The following NPAS3 variants were observed in gnomAD, a reference collection of about 807,000 sequenced individuals.
NPAS3 encodes neuronal PAS domain protein 3.
NPAS3 carries 14 observed loss-of-function variants against 73.1 expected under a neutral mutation model. The ratio of observed to expected loss-of-function variants is 0.19; its 90% CI spans 0.13 to 0.30. NPAS3 has a LOEUF of 0.30. Ranked by LOEUF, NPAS3 falls within the 10% of genes least tolerant of loss-of-function variation. The pLI is 1.00. For synonymous variants in NPAS3, 620 were observed against 541.5 expected (o/e 1.14, Z -2.01); for missense variants, 1,096 against 1,250.0 (o/e 0.88, Z 1.86).
At chr14:33,225,591 G>A (rs1340502682) in intron 3 of NPAS3, among the ~76,000 whole-genome samples, 1 of 152,190 alleles carries the variant, frequency 6.6e-6, no homozygotes, top group African/African-American at 2.4e-5. Context: ...GTAATGGAAT[G>A]CATTTGGCTG....
At chr14:33,091,303 G>A (rs2042216566) in intron 2 of NPAS3, among the ~76,000 whole-genome samples, 1 of 151,940 alleles carries the variant, frequency 6.6e-6, no homozygotes, top group South Asian at 2.1e-4. Context: ...AATGATAAAG[G>A]GGATATCACC....
chr14:33,068,637 G>C (rs538474140), intron 2 of NPAS3, among the ~76,000 whole-genome samples: 1 of 152,270 alleles, frequency 6.6e-6, no homozygotes, highest in Admixed American at 6.5e-5. Context: ...CAGTGCAGTG[G>C]AACAAAAATA....
intron 1 of NPAS3, among the ~76,000 whole-genome samples, chr14:32,966,437 T>C (rs1161581724): frequency 6.6e-6 from 1 of 152,156 alleles, no homozygotes; most frequent in Non-Finnish European, 1.5e-5. Context: ...ATGTCAAGAA[T>C]ACACATTAGG....
intron 3 of NPAS3, among the ~76,000 whole-genome samples, chr14:33,349,762 C>T (rs1195951884): frequency 6.6e-6 from 1 of 152,146 alleles, no homozygotes; most frequent in Non-Finnish European, 1.5e-5. Context: ...TGTCCTTTTC[C>T]CGTCCTGATG....
At chr14:33,380,368 T>G (rs1297629702) in intron 4 of NPAS3, among the ~76,000 whole-genome samples, 1 of 151,982 alleles carries the variant, frequency 6.6e-6, no homozygotes, top group African/African-American at 2.4e-5. Flanking sequence ...GGGTGCAGGG[T>G]ATAGGACTCG....
Position 33,800,944 on chromosome 14 carries a change from C to T in NPAS3, c.2637C>T (p.Leu879=). 2.5e-6 allele frequency: 4 copies of T among 1,606,610 alleles called. No individual in the cohort carries two copies. Among genetic ancestry groups the T allele is most frequent in the Non-Finnish European group, 2.5e-6 (3 of 1,177,072 alleles). The change falls in exon 12 of 12, where the codon CTC becomes CTT. Residue 879 remains leucine (L), a synonymous_variant. Transcript: ENST00000356141. This position sits in a 1 kb window ranked among gnomAD's most constrained non-coding sequence, Gnocchi z 6.5. ...TGCTCTACCACCACGTGCACCGGCT[C>T]AACATGTCAGGACCGTTCGGCGGCG... is the stretch of plus-strand genomic sequence containing the variant.
chr14:33,647,470 CG>C (rs1432316453), intron 5 of NPAS3, among the ~76,000 whole-genome samples: 2 of 151,952 alleles, frequency 1.3e-5, no homozygotes, highest in African/African-American at 4.8e-5. Flanking sequence ...CAAACAAAAG[CG>C]GTTATGATCT....
intron 4 of NPAS3, among the ~76,000 whole-genome samples, chr14:33,502,216 C>T (rs894032492): frequency 1.3e-5 from 2 of 151,834 alleles, no homozygotes; most frequent in African/African-American, 4.8e-5. Flanking sequence ...ATGAAAAGCA[C>T]CTCTTTTTTT....
chr14:33,246,070 G>A (rs1419648331), intron 3 of NPAS3, among the ~76,000 whole-genome samples: 2 of 152,126 alleles, frequency 1.3e-5, no homozygotes, highest in African/African-American at 4.8e-5. Context: ...TGAGGTCAGA[G>A]CTTGGCTTTG....
chr14:33,073,196 G>A (rs1374929675), intron 2 of NPAS3, among the ~76,000 whole-genome samples: 1 of 152,156 alleles, frequency 6.6e-6, no homozygotes, highest in Non-Finnish European at 1.5e-5. Flanking sequence ...ATTTATCAAG[G>A]AAATATTTAT....
Position 33,070,098 on chromosome 14 carries a change from T to A in NPAS3, c.140+14104T>A, listed in dbSNP as rs2138641390. On this transcript the variant is annotated intron_variant, in intron 2 of 11. Coordinates refer to ENST00000356141, the Ensembl canonical transcript of NPAS3. ...TTAGCTTAAAATGTTGAATGTGTAT[T>A]AAAATGAGAAAAATAATTTTCAGGA... Among the ~76,000 whole-genome samples, 4 of 152,318 alleles carry A rather than the reference T, an allele frequency of 2.6e-5. 1 individual carries two copies. The East Asian group carries it at 7.7e-4, about 29-fold the overall frequency.
intron 2 of NPAS3, among the ~76,000 whole-genome samples, chr14:33,063,581 A>G (rs1019549450): frequency 2.6e-5 from 4 of 152,168 alleles, no homozygotes; most frequent in East Asian, 1.9e-4. Context: ...TGTAAATACA[A>G]TTTTATTGGA....
chr14:33,777,649 G>A (rs60354188), intron 8 of NPAS3, among the ~76,000 whole-genome samples: 1 of 152,088 alleles, frequency 6.6e-6, no homozygotes, highest in Non-Finnish European at 1.5e-5. Flanking sequence ...TCTGCACTTG[G>A]TAATACAGAG....
At chr14:33,276,202 G>A (rs888569383) in intron 3 of NPAS3, among the ~76,000 whole-genome samples, 1 of 152,096 alleles carries the variant, frequency 6.6e-6, no homozygotes, top group Non-Finnish European at 1.5e-5. Context: ...AAGAGCTATG[G>A]ATATACTATT....
At chr14:33,419,508 A>G (rs1340269349) in intron 4 of NPAS3, among the ~76,000 whole-genome samples, 1 of 151,932 alleles carries the variant, frequency 6.6e-6, no homozygotes, top group East Asian at 1.9e-4. Context: ...GCTGCTGATG[A>G]GAAAAGTAAA....
At chr14:33,379,225 T>A (rs564941655) in intron 4 of NPAS3, among the ~76,000 whole-genome samples, 1 of 152,070 alleles carries the variant, frequency 6.6e-6, no homozygotes, top group Non-Finnish European at 1.5e-5. Context: ...TTTTTTTTTT[T>A]CTTCAAGTTG....
At chr14:33,107,233 A>G (rs541576068) in intron 2 of NPAS3, among the ~76,000 whole-genome samples, 1 of 152,264 alleles carries the variant, frequency 6.6e-6, no homozygotes, top group South Asian at 2.1e-4. Flanking sequence ...CTGTAAAAAA[A>G]TATATTTTCT....
chr14:33,002,393 A>C (rs1283394926), intron 1 of NPAS3, among the ~76,000 whole-genome samples: 1 of 152,182 alleles, frequency 6.6e-6, no homozygotes, highest in Non-Finnish European at 1.5e-5. Context: ...GGCAATTGGG[A>C]GCCATTGATG....
At chr14:33,759,848 A>G (rs1475017550) in intron 7 of NPAS3, among the ~76,000 whole-genome samples, 1 of 152,222 alleles carries the variant, frequency 6.6e-6, no homozygotes, top group Non-Finnish European at 1.5e-5. Flanking sequence ...GCACATCACA[A>G]ATTTCTCCAT....
Sources: allele counts gnomAD v4.1 joint callset (sites outside exome capture counted in the v4.1 genomes callset), GRCh38; gene constraint gnomAD v4.1.1; non-coding constraint Gnocchi (gnomAD v3.1); transcripts MANE v1.5; gene names NCBI Gene and HGNC (gene_info 2026-07-23, HGNC 2026-07-21).